TMEM108: variants seen among roughly 807,000 people sequenced by gnomAD.
The protein encoded by TMEM108 is transmembrane protein 108, also known as cancer/testis antigen 124.
TMEM108 carries 12 observed loss-of-function variants against 35.1 expected under a neutral mutation model. The ratio of observed to expected loss-of-function variants is 0.34; its 90% CI spans 0.22 to 0.55. The LOEUF is 0.55. Among genes scored for constraint, TMEM108 ranks in the 20% least tolerant of loss-of-function variants. The pLI, the probability that TMEM108 is intolerant of heterozygous loss-of-function variation, is 0.89. For missense variants in TMEM108, 680 were observed against 753.3 expected, an observed-to-expected ratio of 0.90 and a Z score of 1.14; for synonymous variants, 287 against 308.6, an observed-to-expected ratio of 0.93 and a Z score of 0.73.
intron 2 of TMEM108, among the ~76,000 whole-genome samples, chr3:133,093,628 A>G (rs1027765905): frequency 2.0e-5 from 3 of 152,216 alleles, no homozygotes; most frequent in African/African-American, 7.2e-5. Context: ...TAGACAGTCT[A>G]TCAGCTCAAA....
chr3:133,175,930 T>A (rs1945218751), intron 2 of TMEM108, among the ~76,000 whole-genome samples: 1 of 152,112 alleles, frequency 6.6e-6, no homozygotes, highest in African/African-American at 2.4e-5. Context: ...GAAACCCATC[T>A]CATGTGCAGA....
intron 3 of TMEM108, among the ~76,000 whole-genome samples, chr3:133,357,298 G>A (rs1245961644): frequency 1.3e-5 from 2 of 152,176 alleles, no homozygotes; most frequent in African/African-American, 2.4e-5. Flanking sequence ...TGGCGTGGAT[G>A]TGGTGAAAGA....
In TMEM108 at chr3:133,159,934, G is replaced by A. The variant is rs540096890; in HGVS notation, c.-46-69332G>A. Among the ~76,000 whole-genome samples the A allele has an allele frequency of 1.1e-3, 161 of 152,370 alleles. 1 individual carries two copies. Among genetic ancestry groups the A allele is most frequent in the African/African-American group, 3.6e-3 (151 of 41,590 alleles). On this transcript the variant is annotated intron_variant, in intron 2 of 5. Transcript: ENST00000321871. ...AGAGGACCCAGCAAAGGTGCAGAGA[G>A]AATGTAATGGCTTGGCTCCTGATGT...
intron 3 of TMEM108, chr3:133,378,325 T>A: frequency 1.0e-6 from 1 of 985,322 alleles, no homozygotes; most frequent in Non-Finnish European, 1.2e-6. Flanking sequence ...CTCCTCCCCA[T>A]CTCTGCTTCT....
chr3:133,371,209 A>C (rs763589330), intron 3 of TMEM108, among the ~76,000 whole-genome samples: 2 of 151,766 alleles, frequency 1.3e-5, no homozygotes, highest in East Asian at 3.9e-4. Flanking sequence ...GCTGCTGCCT[A>C]ACAAACCACT....
chr3:133,332,892 G>C (rs2071414494), intron 3 of TMEM108, among the ~76,000 whole-genome samples: 1 of 152,178 alleles, frequency 6.6e-6, no homozygotes, highest in Non-Finnish European at 1.5e-5. Context: ...ATCCCTTGTA[G>C]TGCTCCAAGT....
In TMEM108 at chr3:133,387,957, CT is replaced by C. The variant is rs1309237978; in HGVS notation, c.1451-2222del. Reference sequence around the variant, plus strand: ...TTTCTACCTTAGAGAGGCGTGCAAACTATACAAATCTGACTCACAGATACAC... The same window carrying C: ...TTTCTACCTTAGAGAGGCGTGCAAACATACAAATCTGACTCACAGATACAC... On this transcript the variant is annotated intron_variant, in intron 4 of 5. Coordinates refer to ENST00000321871, the MANE Select transcript of TMEM108 (RefSeq NM_023943.4). 5 of 985,344 alleles carry C rather than the reference CT, an allele frequency of 5.1e-6. No homozygotes were observed. In the African/African-American group the frequency reaches 8.7e-5, roughly 17 times the overall value. 61.0% of individuals were successfully genotyped at this position (985,344 alleles called of 1,614,324 possible).
intron 3 of TMEM108, among the ~76,000 whole-genome samples, chr3:133,319,917 C>T (rs1039099600): frequency 6.6e-6 from 1 of 152,148 alleles, no homozygotes; most frequent in African/African-American, 2.4e-5. Flanking sequence ...GATTTTTCCA[C>T]TGAAATAGTC....
At chr3:133,370,650 AG>A (rs2072632231) in intron 3 of TMEM108, among the ~76,000 whole-genome samples, 1 of 152,172 alleles carries the variant, frequency 6.6e-6, no homozygotes, top group Non-Finnish European at 1.5e-5. Context: ...ATTTTATCAG[AG>A]GCTGAGTTGA....
intron 3 of TMEM108, among the ~76,000 whole-genome samples, chr3:133,292,677 A>T (rs988786231): frequency 1.2e-4 from 18 of 152,152 alleles, no homozygotes; most frequent in Admixed American, 3.3e-4. Flanking sequence ...AGTTTTTTTT[A>T]AAGCATCTGT....
chr3:133,380,080 A>G lies in TMEM108; in HGVS notation c.369A>G (p.Ala123=), dbSNP rs770926153. ...CAGGGCCCGCTCCAGCAGCCATGGC[A>G]ACCACATCCTCCAAGCCAGAGGGCC... is the stretch of plus-strand genomic sequence containing the variant. The part of the protein sequence containing the change: ...LSTGPAPAAM[A]TTSSKPEGRP... Residue 123 remains alanine (A), a synonymous_variant, in exon 4 of 6, where the codon GCA becomes GCG. Coordinates refer to ENST00000321871, the MANE Select transcript of TMEM108 (RefSeq NM_023943.4). The surrounding 1 kb of genome is among the most constrained non-coding windows in gnomAD (Gnocchi z 5.3). 3.1e-6 allele frequency: 5 copies of G among 1,613,740 alleles called. No individual in the cohort carries two copies. In the East Asian group the frequency reaches 1.1e-4, roughly 36 times the overall value.
intron 3 of TMEM108, among the ~76,000 whole-genome samples, chr3:133,317,451 G>T (rs1222734964): frequency 6.6e-6 from 1 of 152,180 alleles, no homozygotes; most frequent in East Asian, 1.9e-4. Context: ...TATAAGAAAT[G>T]AGATTCTAAA....
intron 2 of TMEM108, among the ~76,000 whole-genome samples, chr3:133,106,492 C>T (rs1944154996): frequency 6.6e-6 from 1 of 152,110 alleles, no homozygotes; most frequent in Non-Finnish European, 1.5e-5. Context: ...GAGCTAGCCT[C>T]CAGGGTGGCC....
chr3:133,287,769 T>A (rs758085090), intron 3 of TMEM108, among the ~76,000 whole-genome samples: 2 of 152,230 alleles, frequency 1.3e-5, no homozygotes, highest in Non-Finnish European at 2.9e-5. Flanking sequence ...AGTTAGGGCC[T>A]CTTTTAGATT....
At chr3:133,271,604 C>T (rs767465037) in intron 3 of TMEM108, among the ~76,000 whole-genome samples, 2 of 152,158 alleles carry the variant, frequency 1.3e-5, no homozygotes, top group Non-Finnish European at 2.9e-5. Context: ...TGGCTTCACA[C>T]GATTGCCCAG....
chr3:133,162,768 G>A (rs773342270), intron 2 of TMEM108, among the ~76,000 whole-genome samples: 2 of 152,318 alleles, frequency 1.3e-5, no homozygotes, highest in Non-Finnish European at 2.9e-5. Flanking sequence ...GGTTATAAAC[G>A]GAGTTGGGAA....
intron 3 of TMEM108, among the ~76,000 whole-genome samples, chr3:133,292,308 T>C (rs1011367070): frequency 2.0e-5 from 3 of 152,346 alleles, no homozygotes. Flanking sequence ...ATCAAGGTTC[T>C]TCATAAGATT....
intron 3 of TMEM108, among the ~76,000 whole-genome samples, chr3:133,308,203 T>A (rs1407162562): frequency 6.6e-6 from 1 of 152,176 alleles, no homozygotes; most frequent in Non-Finnish European, 1.5e-5. Context: ...TTTTTGCATA[T>A]GGGTTTTGTA....
chr3:133,157,386 G>C (rs1201163500), intron 2 of TMEM108, among the ~76,000 whole-genome samples: 5 of 152,174 alleles, frequency 3.3e-5, no homozygotes, highest in Non-Finnish European at 5.9e-5. Flanking sequence ...ATTTGGAAGA[G>C]TGGTTGAATA....
Sources: allele counts gnomAD v4.1 joint callset (sites outside exome capture counted in the v4.1 genomes callset), GRCh38; gene constraint gnomAD v4.1.1; non-coding constraint Gnocchi (gnomAD v3.1); transcripts MANE v1.5; gene names NCBI Gene and HGNC (gene_info 2026-07-23, HGNC 2026-07-21).